PCDHGB2: variants seen among roughly 807,000 people sequenced by gnomAD.
PCDHGB2 encodes the protein protocadherin gamma-B2.
Under a neutral mutation model 59.3 loss-of-function variants are expected in PCDHGB2, and 55 were observed. The ratio of observed to expected loss-of-function variants is 0.93; its 90% CI spans 0.75 to 1.16. The LOEUF is 1.16. PCDHGB2 is among the 50% of genes most tolerant of loss of function. PCDHGB2 has a pLI of 0.00. For synonymous variants in PCDHGB2, 516 were observed against 512.0 expected (o/e 1.01, Z -0.11); for missense variants, 1,228 against 1,198.5 (o/e 1.02, Z -0.36).
chr5:141,394,487 C>A, intron 1 of PCDHGB2: 1 of 1,614,248 alleles, frequency 6.2e-7, no homozygotes. Context: ...AGAATGACAA[C>A]GCGCCCGAGA....
chr5:141,475,080 C>T (rs963278755), intron 1 of PCDHGB2, among the ~76,000 whole-genome samples: 3 of 152,128 alleles, frequency 2.0e-5, no homozygotes, highest in South Asian at 4.1e-4. Flanking sequence ...GCCATTATTT[C>T]AATAATTTTA....
At chr5:141,415,853 G>C (rs2154546169) in intron 1 of PCDHGB2, 1 of 1,186,350 alleles carries the variant, frequency 8.4e-7, no homozygotes, top group Admixed American at 4.0e-5. Context: ...GCAGAACCTT[G>C]TAGTTTATAG....
intron 1 of PCDHGB2, chr5:141,419,337 C>A (rs1283848400): frequency 6.2e-7 from 1 of 1,613,906 alleles, no homozygotes; most frequent in South Asian, 1.1e-5. Flanking sequence ...TCTCTCATTG[C>A]CAGCGACCTG....
intron 1 of PCDHGB2, among the ~76,000 whole-genome samples, chr5:141,460,285 T>C (rs1283830175): frequency 1.3e-5 from 2 of 152,154 alleles, no homozygotes; most frequent in Admixed American, 6.5e-5. Context: ...ATAGTTTGTA[T>C]TTCTTATGTC....
intron 1 of PCDHGB2, among the ~76,000 whole-genome samples, chr5:141,446,536 GC>G (rs1043723006): frequency 2.0e-5 from 3 of 152,012 alleles, no homozygotes; most frequent in African/African-American, 7.2e-5. Context: ...GAGTGCAGTG[GC>G]CCTATCTCTG....
At chr5:141,409,276 G>A (rs1458443407) in intron 1 of PCDHGB2, 5 of 1,613,882 alleles carry the variant, frequency 3.1e-6, no homozygotes, top group African/African-American at 2.7e-5. Context: ...AGATTTTGGA[G>A]AATTCACCTC....
chr5:141,490,978 C>T lies in PCDHGB2; in HGVS notation c.2422-3829C>T. 6.2e-7 allele frequency: 1 copy of T among 1,614,100 alleles called. No individual in the cohort carries two copies. Among genetic ancestry groups the T allele is most frequent in the Non-Finnish European group, 8.5e-7 (1 of 1,180,034 alleles). ...GGAACACTCAGCCCCCCAGCGTCTC[C>T]CTCGCTCTGCTCCTCCTGGCTCCTT... is the stretch of plus-strand genomic sequence containing the variant. On this transcript the variant is annotated intron_variant, in intron 1 of 3. Coordinates refer to ENST00000522605, the MANE Select transcript of PCDHGB2 (RefSeq NM_018923.3). The surrounding 1 kb of genome is among the most constrained non-coding windows in gnomAD (Gnocchi z 5.4).
intron 1 of PCDHGB2, chr5:141,366,706 G>A (rs202189432): frequency 6.2e-7 from 1 of 1,614,124 alleles, no homozygotes; most frequent in African/African-American, 1.3e-5. Context: ...AGCCTCTTCT[G>A]ATGTCTGATA....
At chr5:141,375,477 A>G (rs757005832) in intron 1 of PCDHGB2, 132 of 1,613,680 alleles carry the variant, frequency 8.2e-5, no homozygotes, top group Non-Finnish European at 1.1e-4. Context: ...CTTGAAAACA[A>G]CCCCAGGGGT....
At chr5:141,403,565 G>A in intron 1 of PCDHGB2, 8 of 1,613,952 alleles carry the variant, frequency 5.0e-6, no homozygotes, top group Non-Finnish European at 6.8e-6. Context: ...CAGGGAGGAG[G>A]CAACTGCCCA....
At chr5:141,383,688 G>A (rs1246896425) in intron 1 of PCDHGB2, 6 of 1,614,008 alleles carry the variant, frequency 3.7e-6, no homozygotes, top group Non-Finnish European at 5.1e-6. Context: ...GACTGCTCAC[G>A]GTACATGCTA....
intron 1 of PCDHGB2, chr5:141,393,203 C>T (rs988866288): frequency 6.2e-7 from 1 of 1,613,514 alleles, no homozygotes; most frequent in Admixed American, 1.7e-5. Context: ...ACGATAATAA[C>T]CCAAAATTCC....
intron 1 of PCDHGB2, chr5:141,387,968 G>C (rs1169859236): frequency 6.7e-7 from 1 of 1,489,402 alleles, no homozygotes; most frequent in Non-Finnish European, 9.0e-7. Context: ...TCTGCCCGGC[G>C]CTCTGTGAGC....
intron 1 of PCDHGB2, chr5:141,390,278 T>A (rs559321936): frequency 1.9e-6 from 3 of 1,614,028 alleles, no homozygotes; most frequent in Admixed American, 1.7e-5. Flanking sequence ...TGACTTCCCA[T>A]CAGGTGAGTT....
intron 1 of PCDHGB2, chr5:141,365,822 G>T: frequency 6.2e-7 from 1 of 1,613,908 alleles, no homozygotes; most frequent in Non-Finnish European, 8.5e-7. Flanking sequence ...CACATTTCAG[G>T]GGGCGCCCTT....
intron 1 of PCDHGB2, chr5:141,392,814 A>G: frequency 2.5e-6 from 4 of 1,585,078 alleles, no homozygotes; most frequent in South Asian, 2.3e-5. Flanking sequence ...CAAAACAACA[A>G]TGGCCGCTCC....
intron 1 of PCDHGB2, among the ~76,000 whole-genome samples, chr5:141,463,117 A>G (rs2099053039): frequency 6.6e-6 from 1 of 152,196 alleles, no homozygotes; most frequent in African/African-American, 2.4e-5. Context: ...TTCAGCTAAT[A>G]GCTCCCTGGC....
At chr5:141,383,222 T>C in intron 1 of PCDHGB2, 1 of 1,613,962 alleles carries the variant, frequency 6.2e-7, no homozygotes, top group Non-Finnish European at 8.5e-7. Context: ...AACTTTAACA[T>C]CCTGATGGAA....
At chr5:141,400,360 C>T (rs1327384409) in intron 1 of PCDHGB2, 2 of 1,614,030 alleles carry the variant, frequency 1.2e-6, no homozygotes, top group East Asian at 2.2e-5. Context: ...GGGGACTTTG[C>T]CTTATTCCTA....
Sources: allele counts gnomAD v4.1 joint callset (sites outside exome capture counted in the v4.1 genomes callset), GRCh38; gene constraint gnomAD v4.1.1; non-coding constraint Gnocchi (gnomAD v3.1); transcripts MANE v1.5; gene names NCBI Gene and HGNC (gene_info 2026-07-23, HGNC 2026-07-21).